Variants in MALT1 observed in about 807,000 individuals in gnomAD.
MALT1 encodes mucosa-associated lymphoid tissue lymphoma translocation protein 1.
Under a neutral mutation model 85.5 loss-of-function variants are expected in MALT1, and 36 were observed. The observed-to-expected ratio is 0.42, with a 90% CI of 0.32 to 0.56. MALT1 has a LOEUF of 0.56. MALT1 is among the 20% of genes least tolerant of loss of function. MALT1 has a pLI of 0.10. For synonymous variants in MALT1, 359 were observed against 361.3 expected (o/e 0.99, Z 0.07); for missense variants, 716 against 981.6 (o/e 0.73, Z 3.62).
rs2054655376 is a variant in MALT1 at position 58,700,432 on chromosome 18, C to G, written c.499-9C>G. On this transcript the variant is annotated splice_polypyrimidine_tract_variant and intron_variant, in intron 3 of 16. Transcript: ENST00000649217. Reference sequence around the variant, plus strand: ...GAGTCATCCACTTCTCTTATTGATTCTTTCACAGATTCCAAATGGAAATAC... The same window carrying G: ...GAGTCATCCACTTCTCTTATTGATTGTTTCACAGATTCCAAATGGAAATAC... 1.3e-6 allele frequency: 2 copies of G among 1,586,560 alleles called. No homozygotes were observed. The highest frequency in any genetic ancestry group is 1.7e-6 in the Non-Finnish European group (2 of 1,170,176).
At chr18:58,736,234 C>T (rs1469000241) in intron 13 of MALT1, among the ~76,000 whole-genome samples, 1 of 152,136 alleles carries the variant, frequency 6.6e-6, no homozygotes, top group South Asian at 2.1e-4. Flanking sequence ...AGGTGTTTGA[C>T]CAACTGTCAG....
intron 7 of MALT1, among the ~76,000 whole-genome samples, 193 bp downstream of exon 7, chr18:58,711,146 A>G (rs181222192): frequency 4.4e-4 from 67 of 152,354 alleles, no homozygotes; most frequent in Non-Finnish European, 5.9e-5. Flanking sequence ...TTGACACAGT[A>G]TTACAATAAC....
At chr18:58,718,492 T>C (rs2054935348) in intron 9 of MALT1, among the ~76,000 whole-genome samples, 1 of 151,966 alleles carries the variant, frequency 6.6e-6, no homozygotes, top group African/African-American at 2.4e-5. Flanking sequence ...CTCATAGGAG[T>C]GTGAACCCTA....
chr18:58,747,426 T>A lies in MALT1; in HGVS notation c.2059T>A (p.Cys687Ser), dbSNP rs778927161. 6.2e-6 allele frequency: 10 copies of A among 1,612,590 alleles called. No individual in the cohort carries two copies. In the Admixed American group the frequency reaches 1.3e-4, roughly 22 times the overall value. ...TCAGGAACATCTAGTCTTCACAGTA[T>A]GTTTATCATATCAGTACTCAGGATT... ...KLKEHLVFTV[C>S]LSYQYSGLED... Residue 687 changes from cysteine to serine, a missense_variant, in exon 17 of 17, where the codon TGT becomes AGT. Physicochemically the swap from Cys to Ser is moderately radical, Grantham distance 112. Transcript: ENST00000649217.
intron 10 of MALT1, among the ~76,000 whole-genome samples, chr18:58,725,079 G>A (rs561460611): frequency 1.3e-5 from 2 of 148,998 alleles, no homozygotes; most frequent in Admixed American, 6.7e-5. Flanking sequence ...GCAGTAAGCC[G>A]AGATCACACC....
In MALT1 at chr18:58,689,640, G is replaced by T. The variant is rs111256097; in HGVS notation, c.377-6726G>T. Among the ~76,000 whole-genome samples the T allele has an allele frequency of 7.2e-3, 1,097 of 152,288 alleles. 15 individuals are homozygous for T. Among genetic ancestry groups the T allele is most frequent in the African/African-American group, 0.025 (1,046 of 41,554 alleles). On this transcript the variant is annotated intron_variant, in intron 2 of 16. Transcript: ENST00000649217. ...GACAGTAAGAAACAGGGATTTTAGA[G>T]AGTGAAGGACACTGAACTGGGTGAA...
chr18:58,692,668 G>C (rs1473054470), intron 2 of MALT1, among the ~76,000 whole-genome samples: 1 of 152,222 alleles, frequency 6.6e-6, no homozygotes, highest in Non-Finnish European at 1.5e-5. Context: ...GTGAAAGGAA[G>C]AGTCACATGT....
chr18:58,686,664 C>T (rs977850073), intron 2 of MALT1, among the ~76,000 whole-genome samples: 4 of 152,174 alleles, frequency 2.6e-5, no homozygotes, highest in African/African-American at 9.7e-5. Flanking sequence ...TTTCCATTTG[C>T]CTCTACTCCT....
chr18:58,678,551 C>G (rs1386539139), intron 1 of MALT1, among the ~76,000 whole-genome samples: 2 of 152,046 alleles, frequency 1.3e-5, no homozygotes, highest in African/African-American at 4.8e-5. Flanking sequence ...GGCAGCTTTT[C>G]TTCATGCTCA....
intron 2 of MALT1, among the ~76,000 whole-genome samples, chr18:58,694,628 C>T (rs920970638): frequency 1.3e-5 from 2 of 152,180 alleles, no homozygotes; most frequent in Non-Finnish European, 2.9e-5. Flanking sequence ...TCTTTTATGT[C>T]AGTTATCTAT....
Position 58,700,478 on chromosome 18 carries a change from C to A in MALT1, c.536C>A (p.Ala179Glu). The A allele has an allele frequency of 1.2e-6, 2 of 1,606,458 alleles. No homozygotes were observed. Among genetic ancestry groups the A allele is most frequent in the South Asian group, 1.1e-5 (1 of 88,912 alleles). Residue 179 changes from alanine (A) to glutamate (E), a missense_variant, in exon 4 of 17, where the codon GCA (alanine) becomes GAA (glutamate). By Grantham distance (107) the Ala-to-Glu change is moderately radical. Around this residue, in one of 4 missense-constraint regions of MALT1, gnomAD observed 290 missense variants for 380.5 expected, o/e 0.76. Transcript: ENST00000649217. The stretch of plus-strand genomic sequence containing the variant: ...AATACATCAGAGCTTATTTTTAATG[C>A]AGTGCATGTAAAAGATGCAGGCTTT... ...NGNTSELIFN[A>E]VHVKDAGFYV... is the part of the protein sequence containing the mutation.
intron 3 of MALT1, among the ~76,000 whole-genome samples, chr18:58,699,662 T>C (rs942166231): frequency 1.3e-5 from 2 of 152,226 alleles, no homozygotes; most frequent in Non-Finnish European, 2.9e-5. Context: ...CAAAGAGTTT[T>C]GAATTTGGGA....
At chr18:58,721,773 G>A (rs2054986656) in intron 9 of MALT1, among the ~76,000 whole-genome samples, 1 of 152,166 alleles carries the variant, frequency 6.6e-6, no homozygotes, top group Non-Finnish European at 1.5e-5. Context: ...CGTCGAGTCA[G>A]CAATGTGATT....
chr18:58,706,406 C>T (rs984033430), intron 4 of MALT1, among the ~76,000 whole-genome samples: 1 of 152,184 alleles, frequency 6.6e-6, no homozygotes, highest in Non-Finnish European at 1.5e-5. Context: ...CCACCTGCCT[C>T]GGCCTCCCAA....
rs560681140 is a variant in MALT1, at chr18:58,751,544, G to T, written c.*3702G>T. 1.2e-4 allele frequency: 19 copies of T among 152,120 alleles called. No homozygotes were observed. Among genetic ancestry groups the T allele is most frequent in the Admixed American group, 2.0e-4 (3 of 15,282 alleles). 9.4% of individuals were successfully genotyped at this position (152,120 alleles called of 1,614,324 possible). On this transcript the variant is annotated 3_prime_UTR_variant, in exon 17 of 17. Transcript: ENST00000649217. Reference sequence around the variant, plus strand: ...AATCTAAACATGTAATTTTAAAACGGGCTTAAGAAGAATGATAACAGTTTT... The same window carrying T: ...AATCTAAACATGTAATTTTAAAACGTGCTTAAGAAGAATGATAACAGTTTT...
chr18:58,732,762 C>CTATATATAT (rs879522631), intron 10 of MALT1, among the ~76,000 whole-genome samples: 1 of 150,532 alleles, frequency 6.6e-6, no homozygotes, highest in Non-Finnish European at 1.5e-5. Flanking sequence ...ATCCTAGCTG[C>CTATATATAT]ATTCTTTTTT....
intron 13 of MALT1, 123 bp downstream of exon 13, chr18:58,735,452 C>T: frequency 2.2e-6 from 2 of 899,834 alleles, no homozygotes; most frequent in Non-Finnish European, 3.2e-6. Context: ...TTAGTACCTA[C>T]TTTATAAAAC....
Position 58,750,053 on chromosome 18 carries a change from A to C in MALT1, c.*2211A>C, listed in dbSNP as rs1029299921. 1 of 194,338 alleles carries C rather than the reference A, an allele frequency of 5.1e-6. No individual in the cohort carries two copies. The highest frequency in any genetic ancestry group is 2.3e-5 in the African/African-American group (1 of 43,210). 12.0% of individuals were successfully genotyped at this position (194,338 alleles called of 1,614,324 possible). A position where few individuals can be genotyped will look rare whatever the true frequency, so the allele number is the denominator to read the frequency against. On this transcript the variant is annotated 3_prime_UTR_variant, in exon 17 of 17. Coordinates refer to ENST00000649217, the MANE Select transcript of MALT1 (RefSeq NM_006785.4). ...AGAGGTTTATACTGCAAAAGAAGTG[A>C]AACTATATGTATTCACAGTTGATAC...
intron 4 of MALT1, 149 bp downstream of exon 4, chr18:58,700,740 T>A: frequency 1.6e-6 from 1 of 638,256 alleles, no homozygotes; most frequent in Non-Finnish European, 2.4e-6. Flanking sequence ...CAACCATTGT[T>A]AAGATTTGAT....
Sources: allele counts gnomAD v4.1 joint callset (sites outside exome capture counted in the v4.1 genomes callset), GRCh38; gene constraint gnomAD v4.1.1; regional missense constraint gnomAD v4.1.1; transcripts MANE v1.5; gene names NCBI Gene and HGNC (gene_info 2026-07-23, HGNC 2026-07-21).